Variants in ECHDC2 observed in about 807,000 individuals in gnomAD.
The protein encoded by ECHDC2 is enoyl-CoA hydratase domain-containing protein 2, mitochondrial.
In ECHDC2, 34 loss-of-function variants were observed where a neutral mutation model predicts 40.6. The ratio of observed to expected loss-of-function variants is 0.84; its 90% confidence interval spans 0.64 to 1.11. ECHDC2 has a LOEUF of 1.11. ECHDC2 is among the 50% of genes most tolerant of loss of function. ECHDC2 has a pLI of 0.00. For synonymous variants in ECHDC2, 162 were observed against 166.6 expected (o/e 0.97, Z 0.21); for missense variants, 392 against 400.7 (o/e 0.98, Z 0.19).
intron 3 of ECHDC2, among the ~76,000 whole-genome samples, chr1:52,908,491 A>G (rs1648527089): frequency 6.6e-6 from 1 of 152,036 alleles, no homozygotes; most frequent in African/African-American, 2.4e-5. Flanking sequence ...GACGAGCAAG[A>G]CTCCGTTTCA....
At chr1:52,899,047 G>T in intron 8 of ECHDC2, 127 bp downstream of exon 8, 1 of 938,966 alleles carries the variant, frequency 1.1e-6, no homozygotes, top group Non-Finnish European at 1.7e-6. Context: ...CGAGGTCAGA[G>T]TTCAAGTCTG....
intron 1 of ECHDC2, chr1:52,913,804 C>T (rs977342075): frequency 1.9e-6 from 1 of 526,778 alleles, no homozygotes; most frequent in African/African-American, 2.1e-5. Context: ...GGGGTTCGCT[C>T]TTGGTGGTGT....
rs1646645167 is a variant in ECHDC2 at position 52,896,550 on chromosome 1, C to T, written c.849G>A (p.Glu283=). 1.2e-6 allele frequency: 2 copies of T among 1,614,056 alleles called. No homozygotes were observed. Among genetic ancestry groups the T allele is most frequent in the African/African-American group, 2.7e-5 (2 of 74,940 alleles). Residue 283 remains glutamate (E), a synonymous_variant, in exon 10 of 10, where the codon GAG becomes GAA. Coordinates refer to ENST00000371522, the MANE Select transcript of ECHDC2 (RefSeq NM_001198961.2). ...TGCCAACAAATTTGGGAGTCCGCTT[C>T]TCCCTGAAGGCTGCCATGCCCTCTA... ...DRLEGMAAFR[E]KRTPKFVGK
At chr1:52,903,287 G>C (rs1647105814) in intron 7 of ECHDC2, among the ~76,000 whole-genome samples, 1 of 152,076 alleles carries the variant, frequency 6.6e-6, no homozygotes, top group Admixed American at 6.5e-5. Flanking sequence ...AGATTTTAGG[G>C]AACAGGTGGC....
chr1:52,902,760 T>C (rs1042952267), intron 7 of ECHDC2, among the ~76,000 whole-genome samples: 1 of 152,240 alleles, frequency 6.6e-6, no homozygotes, highest in Admixed American at 6.5e-5. Context: ...TTTTTTATAT[T>C]GCATTCTGTA....
At chr1:52,902,409 G>C (rs2150041600) in intron 7 of ECHDC2, among the ~76,000 whole-genome samples, 1 of 152,158 alleles carries the variant, frequency 6.6e-6, no homozygotes, top group East Asian at 1.9e-4. Flanking sequence ...CTCCTGTCTT[G>C]ACCTCCCAAA....
In ECHDC2 at chr1:52,904,747, C is replaced by A. The variant is rs1557488563; in HGVS notation, c.601G>T (p.Ala201Ser). 1 of 1,613,050 alleles carries A rather than the reference C, an allele frequency of 6.2e-7. No homozygotes were observed. The change falls in exon 7 of 10, where the codon GCC becomes TCC. Residue 201 changes from alanine (A) to serine (S), a missense_variant. Transcript: ENST00000371522. ...TGATTCACCAGCCCCAGTACGTGGG[C>A]CTCAGTTCCACTCAGTCGTCGGCCC... ...FTGRRLSGTE[A>S]HVLGLVNHAV...
intron 1 of ECHDC2, among the ~76,000 whole-genome samples, chr1:52,919,605 T>C (rs1198540022): frequency 6.6e-6 from 1 of 152,190 alleles, no homozygotes; most frequent in Non-Finnish European, 1.5e-5. Context: ...ATAAAGCCGC[T>C]AAGAACAGTG....
intron 8 of ECHDC2, 108 bp from the exon 9 acceptor site, chr1:52,897,592 C>T: frequency 9.4e-7 from 1 of 1,060,626 alleles, no homozygotes; most frequent in African/African-American, 1.6e-5. Flanking sequence ...GCAGAGATAG[C>T]TATGAGAAGG....
chr1:52,920,877 C>G (rs999278975), intron 1 of ECHDC2, among the ~76,000 whole-genome samples: 1 of 152,228 alleles, frequency 6.6e-6, no homozygotes, highest in Non-Finnish European at 1.5e-5. Context: ...TGGTTACCAG[C>G]AGAGGACTGA....
intron 7 of ECHDC2, among the ~76,000 whole-genome samples, chr1:52,904,057 A>C (rs904690530): frequency 4.0e-5 from 6 of 151,784 alleles, no homozygotes; most frequent in Non-Finnish European, 1.5e-5. Flanking sequence ...ACCTCGTGAT[A>C]CACCCGCCTC....
chr1:52,898,295 A>G (rs1391323589), intron 8 of ECHDC2: 2 of 152,310 alleles, frequency 1.3e-5, no homozygotes, highest in Non-Finnish European at 2.9e-5. Flanking sequence ...ATCTCGGCTC[A>G]CTGCAAACTC....
intron 3 of ECHDC2, among the ~76,000 whole-genome samples, chr1:52,910,620 C>T (rs1420777754): frequency 2.0e-5 from 3 of 152,048 alleles, no homozygotes; most frequent in Non-Finnish European, 2.9e-5. Context: ...CCACACACCT[C>T]GGCCTCCCAA....
At chr1:52,920,330 C>G in intron 1 of ECHDC2, 1 of 638,780 alleles carries the variant, frequency 1.6e-6, no homozygotes, top group South Asian at 1.7e-5. Flanking sequence ...GATTTTATGG[C>G]AAAGCCCCGC....
chr1:52,906,162 C>G, intron 5 of ECHDC2: 1 of 370,674 alleles, frequency 2.7e-6, no homozygotes. Context: ...CAAACTATCC[C>G]TGAGGCTCAC....
intron 7 of ECHDC2, among the ~76,000 whole-genome samples, chr1:52,902,219 C>A (rs540599262): frequency 6.6e-6 from 1 of 152,114 alleles, no homozygotes; most frequent in Non-Finnish European, 1.5e-5. Context: ...TGCAGTGGTG[C>A]GATCTCGGCT....
chr1:52,904,769 G>A lies in ECHDC2; in HGVS notation c.579C>T (p.Gly193=), dbSNP rs1379951200. 1 of 1,612,958 alleles carries A rather than the reference G, an allele frequency of 6.2e-7. No individual in the cohort carries two copies. ...VALAKELIFT[G]RRLSGTEAHV... ...GGGCCTCAGTTCCACTCAGTCGTCG[G>A]CCCGTGAAGATGAGCTCCTTCGCCA... is the stretch of plus-strand genomic sequence containing the variant. The change falls in exon 7 of 10, where the codon GGC becomes GGT. Residue 193 remains glycine (G), a synonymous_variant. Coordinates refer to ENST00000371522, the MANE Select transcript of ECHDC2 (RefSeq NM_001198961.2).
intron 1 of ECHDC2, chr1:52,912,714 T>C (rs900916082): frequency 1.3e-5 from 2 of 152,126 alleles, no homozygotes; most frequent in African/African-American, 4.8e-5. Context: ...TGTATTTCTT[T>C]ATAATTTTTT....
chr1:52,911,102 G>A (rs371935295), intron 3 of ECHDC2, among the ~76,000 whole-genome samples: 1 of 152,118 alleles, frequency 6.6e-6, no homozygotes, highest in South Asian at 2.1e-4. Flanking sequence ...TCAGCCTCCT[G>A]AGTAGCTGGG....
Sources: gnomAD v4.1 joint callset for allele counts (sites outside exome capture counted in the v4.1 genomes callset) on GRCh38, gnomAD v4.1.1 for gene constraint, MANE v1.5 for transcripts, NCBI Gene and HGNC (gene_info 2026-07-23, HGNC 2026-07-21) for gene names.